The following PDE8A variants were observed in gnomAD, a reference collection of about 807,000 sequenced individuals.
PDE8A encodes high affinity cAMP-specific and IBMX-insensitive 3',5'-cyclic phosphodiesterase 8A.
Under a neutral mutation model 105.0 loss-of-function variants are expected in PDE8A, and 59 were observed. The ratio of observed to expected loss-of-function variants is 0.56; its 90% CI spans 0.46 to 0.70. The LOEUF (loss-of-function observed/expected upper bound fraction) is 0.70. PDE8A is among the 30% of genes least tolerant of loss of function. The pLI is 0.00. For missense variants in PDE8A, 1,014 were observed against 1,045.9 expected, an observed-to-expected ratio of 0.97 and a Z score of 0.42; for synonymous variants, 355 against 371.9, an observed-to-expected ratio of 0.95 and a Z score of 0.52.
chr15:85,119,518 G>A (rs1596538094), intron 17 of PDE8A, among the ~76,000 whole-genome samples: 1 of 136,102 alleles, frequency 7.3e-6, no homozygotes, highest in Admixed American at 8.1e-5. Flanking sequence ...CATACTATTT[G>A]CGCACTTAAA....
rs181559235 is a variant in PDE8A at position 85,017,496 on chromosome 15, G to C, written c.186+35148G>C. 2.3e-3 allele frequency among the ~76,000 whole-genome samples: 351 copies of C among 152,258 alleles called. 2 individuals carry two copies. Among genetic ancestry groups the C allele is most frequent in the African/African-American group, 8.1e-3 (337 of 41,534 alleles). On this transcript the variant is annotated intron_variant, in intron 1 of 21. Transcript: ENST00000394553. The stretch of plus-strand genomic sequence containing the variant: ...AATACAGTGTTAAAATAATAAAGAA[G>C]ATAATGTTTTATACAAAATAGTGTG...
chr15:85,133,745 A>G (rs1168205296), intron 20 of PDE8A, among the ~76,000 whole-genome samples: 3 of 152,144 alleles, frequency 2.0e-5, no homozygotes, highest in Admixed American at 6.5e-5. Context: ...TGCTTCTTGT[A>G]TTCAGTGGGG....
chr15:85,029,056 G>A (rs1476361192), intron 1 of PDE8A, among the ~76,000 whole-genome samples: 2 of 152,048 alleles, frequency 1.3e-5, no homozygotes, highest in Non-Finnish European at 2.9e-5. Context: ...CTTTGGAGAG[G>A]GCATTTAGTA....
chr15:85,117,892 C>A, intron 17 of PDE8A, 53 bp downstream of exon 17: 1 of 1,380,894 alleles, frequency 7.2e-7, no homozygotes, highest in Non-Finnish European at 1.0e-6. Context: ...TGGGGAGAGT[C>A]TAGTGCTTCT....
At chr15:85,031,249 C>G (rs1021410854) in intron 1 of PDE8A, among the ~76,000 whole-genome samples, 13 of 152,146 alleles carry the variant, frequency 8.5e-5, no homozygotes, top group Non-Finnish European at 1.0e-4. Context: ...CTAGCCTAGG[C>G]CACATAATGA....
At chr15:85,062,951 G>C (rs1417280476) in intron 1 of PDE8A, 1 of 152,202 alleles carries the variant, frequency 6.6e-6, no homozygotes, top group Non-Finnish European at 1.5e-5. Context: ...TCTGGCTTTG[G>C]CATCCAGTTA....
chr15:85,019,070 T>C (rs2080376519), intron 1 of PDE8A, among the ~76,000 whole-genome samples: 1 of 152,238 alleles, frequency 6.6e-6, no homozygotes, highest in African/African-American at 2.4e-5. Context: ...GCCTCCCTGC[T>C]TCCATCTCTA....
In PDE8A at chr15:85,126,240, A is replaced by G. The variant is rs552839781; in HGVS notation, c.2119A>G (p.Met707Val). 9 of 1,612,160 alleles carry G rather than the reference A, an allele frequency of 5.6e-6. No individual in the cohort carries two copies. In the East Asian group the frequency reaches 1.3e-4, roughly 24 times the overall value. Residue 707 changes from methionine to valine, a missense_variant, in exon 20 of 22, where the codon ATG (methionine) becomes GTG (valine). By Grantham distance (21) the Met-to-Val change is conservative (BLOSUM62 1). Coordinates refer to ENST00000394553, the MANE Select transcript of PDE8A (RefSeq NM_002605.3). ...TDKNQEVINT[M>V]LRTPENRTLI... ...TAAAAACCAGGAAGTGATAAACACT[A>G]TGCTTAGGACTCCAGAGAACCGGAC...
intron 16 of PDE8A, 21 bp downstream of exon 16, chr15:85,116,140 G>C: frequency 6.2e-7 from 1 of 1,612,948 alleles, no homozygotes; most frequent in Non-Finnish European, 8.5e-7. Context: ...GCAGAGCTCA[G>C]CAGCGGGAGA....
At chr15:85,049,507 A>G (rs954261146) in intron 1 of PDE8A, among the ~76,000 whole-genome samples, 2 of 152,364 alleles carry the variant, frequency 1.3e-5, no homozygotes, top group East Asian at 3.9e-4. Flanking sequence ...CATCTGTTCC[A>G]TAGCATATAT....
chr15:85,027,431 T>G (rs2080536882), intron 1 of PDE8A, among the ~76,000 whole-genome samples: 1 of 152,210 alleles, frequency 6.6e-6, no homozygotes, highest in Non-Finnish European at 1.5e-5. Context: ...CAGGAAAGGC[T>G]TTCTACCTTC....
At chr15:85,099,933 C>T in intron 9 of PDE8A, 82 bp from the exon 10 acceptor site, 4 of 1,142,402 alleles carry the variant, frequency 3.5e-6, no homozygotes, top group Non-Finnish European at 5.1e-6. Flanking sequence ...AGGGAGGTGC[C>T]ATTTTCGTAA....
intron 3 of PDE8A, among the ~76,000 whole-genome samples, chr15:85,070,532 A>G (rs534290356): frequency 2.0e-3 from 303 of 152,300 alleles, no homozygotes; most frequent in Non-Finnish European, 3.6e-3. Context: ...GCAAGAGGAT[A>G]CTTGAGTTGC....
Position 85,138,566 on chromosome 15 carries a change from T to A in PDE8A, c.*663T>A, listed in dbSNP as rs2082450769. ...ATTATGCATTACTTGGTATACAGAC[T>A]TATTTTCATAATGCAAATTAATAAA... On this transcript the variant is annotated 3_prime_UTR_variant, in exon 22 of 22. Transcript: ENST00000394553. The A allele has an allele frequency of 6.5e-6, 1 of 152,682 alleles. No individual in the cohort carries two copies. The highest frequency in any genetic ancestry group is 2.4e-5 in the African/African-American group (1 of 41,462). 9.5% of individuals were successfully genotyped at this position (152,682 alleles called of 1,614,324 possible). A position where few individuals can be genotyped will look rare whatever the true frequency, so the allele number is the denominator to read the frequency against.
intron 1 of PDE8A, among the ~76,000 whole-genome samples, chr15:84,996,211 G>T (rs1482566835): frequency 2.0e-5 from 3 of 151,472 alleles, no homozygotes; most frequent in Non-Finnish European, 4.4e-5. Flanking sequence ...TAGAGCCAGG[G>T]TCTTGCTCTG....
intron 16 of PDE8A, among the ~76,000 whole-genome samples, chr15:85,116,795 A>G (rs2082103340): frequency 6.6e-6 from 1 of 151,858 alleles, no homozygotes; most frequent in South Asian, 2.1e-4. Flanking sequence ...CCCCAAGATA[A>G]CTCCCTGACT....
intron 11 of PDE8A, among the ~76,000 whole-genome samples, chr15:85,105,950 T>C (rs1170838354): frequency 1.3e-5 from 2 of 152,148 alleles, no homozygotes; most frequent in Non-Finnish European, 2.9e-5. Flanking sequence ...GGTGGAGACG[T>C]GGTCCATCTC....
intron 21 of PDE8A, among the ~76,000 whole-genome samples, chr15:85,137,018 C>G (rs1256011002): frequency 6.6e-6 from 1 of 152,210 alleles, no homozygotes; most frequent in Non-Finnish European, 1.5e-5. Context: ...CCTCACTCTA[C>G]ACAAGACCAG....
chr15:85,055,259 TGTG>T (rs1268486791), intron 1 of PDE8A, among the ~76,000 whole-genome samples: 7 of 152,328 alleles, frequency 4.6e-5, no homozygotes, highest in South Asian at 4.1e-4. Context: ...ATAAGTGTGA[TGTG>T]GTGGTGAGAA....
Sources: gnomAD v4.1 joint callset for allele counts (sites outside exome capture counted in the v4.1 genomes callset) on GRCh38, gnomAD v4.1.1 for gene constraint, MANE v1.5 for transcripts, NCBI Gene and HGNC (gene_info 2026-07-23, HGNC 2026-07-21) for gene names.